The following BAZ2B variants were observed in gnomAD, a reference collection of about 807,000 sequenced individuals.
The protein encoded by BAZ2B is bromodomain adjacent to zinc finger domain protein 2B.
In BAZ2B, 91 loss-of-function variants were observed where a neutral mutation model predicts 246.0. The observed-to-expected ratio is 0.37, with a 90% CI of 0.31 to 0.44. BAZ2B has a LOEUF of 0.44. Among genes scored for constraint, BAZ2B ranks in the 20% least tolerant of loss-of-function variants. BAZ2B has a pLI of 1.00. For synonymous variants in BAZ2B, 855 were observed against 860.0 expected, an observed-to-expected ratio of 0.99 and a Z score of 0.10; for missense variants, 2,332 against 2,533.7, an observed-to-expected ratio of 0.92 and a Z score of 1.71.
chr2:159,557,977 A>G (rs1405959221), intron 1 of BAZ2B, among the ~76,000 whole-genome samples: 1 of 152,056 alleles, frequency 6.6e-6, no homozygotes, highest in Non-Finnish European at 1.5e-5. Flanking sequence ...TTAAAGGTGT[A>G]TGATAATGAG....
the BAZ2B span, among the ~76,000 whole-genome samples, chr2:159,676,952 T>TTTTATATA: frequency 5.1e-5 from 6 of 117,826 alleles, no homozygotes; most frequent in African/African-American, 1.6e-4. Flanking sequence ...AATAGTTTTG[T>TTTTATATA]TATATATATA....
the BAZ2B span, among the ~76,000 whole-genome samples, chr2:159,682,258 T>C: frequency 6.8e-6 from 1 of 147,102 alleles, no homozygotes; most frequent in Non-Finnish European, 1.5e-5. Context: ...AGAGGCTCAC[T>C]GTAGCCTCCA....
intron 20 of BAZ2B, among the ~76,000 whole-genome samples, chr2:159,390,360 A>G (rs1341001199): frequency 6.6e-6 from 1 of 152,030 alleles, no homozygotes; most frequent in Admixed American, 6.6e-5. Flanking sequence ...AGAATTTTCT[A>G]TTCCTGATGA....
chr2:159,565,283 A>G (rs572314611), intron 1 of BAZ2B, among the ~76,000 whole-genome samples: 25 of 152,328 alleles, frequency 1.6e-4, no homozygotes, highest in African/African-American at 5.1e-4. Context: ...TGAAAGCAGC[A>G]TATGTGGACA....
At chr2:159,698,483 A>AAC in the BAZ2B span, among the ~76,000 whole-genome samples, 2 of 150,428 alleles carry the variant, frequency 1.3e-5, no homozygotes, top group Admixed American at 1.3e-4. Flanking sequence ...CAGCCTAGGC[A>AAC]ACAGAGCAAG....
chr2:159,444,236 G>A (rs2073911403), intron 6 of BAZ2B: 1 of 152,074 alleles, frequency 6.6e-6, no homozygotes. Context: ...TGGAGAGTAT[G>A]ACACTGATAC....
chr2:159,324,683 CACACA>C (rs2063210314), intron 36 of BAZ2B, 123 bp downstream of exon 36: 2 of 283,864 alleles, frequency 7.0e-6, no homozygotes, highest in African/African-American at 6.5e-5. Flanking sequence ...CACACACACA[CACACA>C]CCTGCCTCAA....
the BAZ2B span, among the ~76,000 whole-genome samples, chr2:159,649,996 A>G: frequency 2.6e-5 from 4 of 152,136 alleles, no homozygotes; most frequent in African/African-American, 9.7e-5. Flanking sequence ...CTTCTACAAG[A>G]TATGTCCTCT....
chr2:159,564,919 G>A (rs1229009891), intron 1 of BAZ2B, among the ~76,000 whole-genome samples: 1 of 152,170 alleles, frequency 6.6e-6, no homozygotes, highest in Non-Finnish European at 1.5e-5. Context: ...CACCCAGGCT[G>A]GAGTGAAGTG....
intron 1 of BAZ2B, among the ~76,000 whole-genome samples, chr2:159,569,420 T>C (rs1428941370): frequency 6.6e-6 from 1 of 152,104 alleles, no homozygotes; most frequent in Non-Finnish European, 1.5e-5. Flanking sequence ...AAATTTTTAA[T>C]AAAAATAAGA....
the BAZ2B span, among the ~76,000 whole-genome samples, chr2:159,658,755 G>A: frequency 0.25 from 37,521 of 151,974 alleles, 5,985 homozygotes; most frequent in Admixed American, 0.43. Flanking sequence ...CTGAGCTTAG[G>A]CAATGCACTC....
rs757910953 is a variant in BAZ2B at position 159,429,264 on chromosome 2, TA to T, written c.2195-5del. ...ACTCTTCTTCTTTTGGAAGTGCCTT[TA>T]AAAAAATTCAATTGGTTAATATAAA... On this transcript the variant is annotated splice_region_variant and splice_polypyrimidine_tract_variant and intron_variant, in intron 10 of 36. Transcript: ENST00000392783. The T allele has an allele frequency of 4.5e-5, 69 of 1,537,742 alleles. No homozygotes were observed. In the African/African-American group the frequency reaches 8.1e-4, roughly 18 times the overall value.
At chr2:159,545,759 C>T (rs1462988913) in intron 2 of BAZ2B, among the ~76,000 whole-genome samples, 1 of 152,084 alleles carries the variant, frequency 6.6e-6, no homozygotes, top group African/African-American at 2.4e-5. Flanking sequence ...AACAACTGAA[C>T]ACATAATCAT....
rs199792483 is a variant in BAZ2B at position 159,349,796 on chromosome 2, G to C, written c.4775C>G (p.Ser1592Cys). The C allele has an allele frequency of 3.1e-6, 5 of 1,614,172 alleles. No individual in the cohort carries two copies. In the Admixed American group the frequency reaches 6.7e-5, roughly 22 times the overall value. ...SLVTPQSQPP[S>C]KSPSPTPAPL... ...AGCTGGGGTAGGTGAAGGTGACTTA[G>C]ATGGTGGCTGAGACTGAGGAGTCAC... Residue 1592 changes from serine to cysteine, a missense_variant, in exon 28 of 37, where the codon TCT (serine) becomes TGT (cysteine). By Grantham distance (112) the Ser-to-Cys change is moderately radical. This residue lies in a region of BAZ2B where 676 missense variants were observed against 668.6 expected (regional missense o/e 1.01). Transcript: ENST00000392783.
the BAZ2B span, among the ~76,000 whole-genome samples, chr2:159,652,009 A>G: frequency 8.5e-5 from 13 of 152,306 alleles, no homozygotes; most frequent in African/African-American, 3.1e-4. Flanking sequence ...AAACATTCAT[A>G]TACACGTTTT....
At chr2:159,507,908 T>A (rs932547462) in intron 2 of BAZ2B, among the ~76,000 whole-genome samples, 1 of 152,160 alleles carries the variant, frequency 6.6e-6, no homozygotes, top group African/African-American at 2.4e-5. Context: ...TCTCCCTCTG[T>A]CGCCCAGGCT....
At chr2:159,548,134 G>C (rs1006258607) in intron 2 of BAZ2B, among the ~76,000 whole-genome samples, 1 of 152,130 alleles carries the variant, frequency 6.6e-6, no homozygotes, top group Non-Finnish European at 1.5e-5. Context: ...TAATTTTGAA[G>C]ATACTGTTCA....
intron 1 of BAZ2B, among the ~76,000 whole-genome samples, chr2:159,559,235 C>T (rs2089569379): frequency 6.6e-6 from 1 of 150,476 alleles, no homozygotes; most frequent in African/African-American, 2.4e-5. Flanking sequence ...AAGGAGTAAC[C>T]CTGTTAAAAA....
At chr2:159,440,120 T>C (rs1212641128) in intron 6 of BAZ2B, among the ~76,000 whole-genome samples, 1 of 152,192 alleles carries the variant, frequency 6.6e-6, no homozygotes, top group Non-Finnish European at 1.5e-5. Context: ...GTCATGTAGA[T>C]TATTGAAAAT....
Sources: gnomAD v4.1 joint callset for allele counts (sites outside exome capture counted in the v4.1 genomes callset) on GRCh38, gnomAD v4.1.1 for gene constraint, gnomAD v4.1.1 regional missense constraint, MANE v1.5 for transcripts, NCBI Gene and HGNC (gene_info 2026-07-23, HGNC 2026-07-21) for gene names.